The following CTNNA3 variants were observed in gnomAD, a reference collection of about 807,000 sequenced individuals.
The protein encoded by CTNNA3 is catenin alpha 3, also known as catenin alpha-3.
Under a neutral mutation model 95.7 loss-of-function variants are expected in CTNNA3, and 76 were observed. That is an observed-to-expected ratio of 0.79 (90% CI 0.66 to 0.96). The LOEUF (loss-of-function observed/expected upper bound fraction) is 0.96, where lower values mean the gene tolerates loss of function less well. Among genes scored for constraint, CTNNA3 ranks in the 40% least tolerant of loss-of-function variants. The probability of loss-of-function intolerance (pLI) is 0.00; values close to 1 mark genes in which losing one functional copy is unlikely to be tolerated. For missense variants in CTNNA3, 1,191 were observed against 1,089.8 expected (o/e 1.09, Z -1.31); for synonymous variants, 431 against 374.4 (o/e 1.15, Z -1.74).
chr10:66,089,892 C>T (rs907459915), intron 14 of CTNNA3, among the ~76,000 whole-genome samples: 9 of 151,948 alleles, frequency 5.9e-5, no homozygotes, highest in South Asian at 4.2e-4. Context: ...CAAAACCAAG[C>T]GAGTTCTGCA....
intron 1 of CTNNA3, among the ~76,000 whole-genome samples, chr10:67,722,242 T>C (rs1841183353): frequency 6.6e-6 from 1 of 152,162 alleles, no homozygotes; most frequent in Admixed American, 6.6e-5. Flanking sequence ...CTCTGACTAT[T>C]AGTTTGGGAA....
intron 10 of CTNNA3, among the ~76,000 whole-genome samples, chr10:66,598,913 C>T (rs1843818710): frequency 6.6e-6 from 1 of 151,718 alleles, no homozygotes; most frequent in South Asian, 2.1e-4. Context: ...CATATGGAAC[C>T]ACAAAATACA....
chr10:65,940,198 C>T (rs560359283), intron 17 of CTNNA3, among the ~76,000 whole-genome samples: 114 of 152,304 alleles, frequency 7.5e-4, no homozygotes, highest in African/African-American at 2.6e-3. Flanking sequence ...GATCTGTACT[C>T]TTCAATGTGG....
At chr10:66,739,987 G>A (rs556050596) in intron 9 of CTNNA3, among the ~76,000 whole-genome samples, 34 of 152,186 alleles carry the variant, frequency 2.2e-4, no homozygotes, top group Non-Finnish European at 3.1e-4. Context: ...GCAAGATAAC[G>A]TGGGAATGGA....
At chr10:67,148,903 A>G (rs1435467801) in intron 7 of CTNNA3, among the ~76,000 whole-genome samples, 4 of 152,186 alleles carry the variant, frequency 2.6e-5, no homozygotes, top group Non-Finnish European at 2.9e-5. Context: ...CATATTTCCC[A>G]TTTTGGCTCC....
chr10:66,520,510 C>A (rs554126295), intron 11 of CTNNA3, 107 bp downstream of exon 11: 2 of 1,006,036 alleles, frequency 2.0e-6, no homozygotes, highest in African/African-American at 3.4e-5. Context: ...CCTCGGCTTC[C>A]CAAAGTGTTG....
chr10:66,060,454 A>T (rs2080171484), intron 15 of CTNNA3, among the ~76,000 whole-genome samples: 1 of 152,080 alleles, frequency 6.6e-6, no homozygotes, highest in Non-Finnish European at 1.5e-5. Context: ...TTATTTCTAA[A>T]GACTTAAACA....
At chr10:66,829,919 G>A (rs1842655075) in intron 7 of CTNNA3, among the ~76,000 whole-genome samples, 1 of 150,384 alleles carries the variant, frequency 6.6e-6, no homozygotes, top group Admixed American at 6.6e-5. Context: ...AGGCTGGAGT[G>A]CAGTGGTGCG....
At chr10:66,533,097 T>A (rs2132054776) in intron 10 of CTNNA3, among the ~76,000 whole-genome samples, 1 of 152,298 alleles carries the variant, frequency 6.6e-6, no homozygotes, top group Middle Eastern at 3.4e-3. Flanking sequence ...TCCTGCCTCC[T>A]CTTTTATCAT....
chr10:67,209,416 G>A (rs528315784), intron 6 of CTNNA3, among the ~76,000 whole-genome samples: 1 of 152,254 alleles, frequency 6.6e-6, no homozygotes, highest in African/African-American at 2.4e-5. Context: ...GTATTTTGCT[G>A]TAATGTGAAA....
At chr10:66,928,393 A>G in intron 7 of CTNNA3, 1 of 1,614,186 alleles carries the variant, frequency 6.2e-7, no homozygotes, top group Non-Finnish European at 8.5e-7. Flanking sequence ...GACCAGCGAG[A>G]TGCTGCTGAA....
chr10:66,001,754 T>C (rs910549419), intron 15 of CTNNA3, among the ~76,000 whole-genome samples: 1 of 152,170 alleles, frequency 6.6e-6, no homozygotes, highest in Non-Finnish European at 1.5e-5. Context: ...TTTTTTACTG[T>C]TCTTAAGGTG....
In CTNNA3 at chr10:66,668,238, AAAGGAAAC is replaced by A. The variant is rs560382862; in HGVS notation, c.1282-46462_1282-46455del. On this transcript the variant is annotated intron_variant, in intron 9 of 17. Transcript: ENST00000433211. ...AAGGAAATTAAGAACTGATGATGGA[AAAGGAAAC>A]TATATAGGGGAATATAATGGGAAAC... 2.8e-3 allele frequency among the ~76,000 whole-genome samples: 429 copies of A among 152,298 alleles called. 1 individual carries two copies. The highest frequency in any genetic ancestry group is 0.01 in the African/African-American group (420 of 41,570).
rs931009894 is a variant in CTNNA3, at chr10:67,270,734, A to G, written c.580-50864T>C. ...CCTTTTGCAACTTCTATTAAAGTCA[A>G]TACAAGAGAGTGGCTAATGGCTAAT... On this transcript the variant is annotated intron_variant, in intron 5 of 17. Transcript: ENST00000433211. 1.1e-4 allele frequency among the ~76,000 whole-genome samples: 16 copies of G among 152,308 alleles called. 1 individual carries two copies. The highest frequency in any genetic ancestry group is 9.8e-4 in the Admixed American group (15 of 15,286).
intron 7 of CTNNA3, among the ~76,000 whole-genome samples, chr10:66,783,598 C>T (rs1277742814): frequency 6.6e-6 from 1 of 151,776 alleles, no homozygotes; most frequent in Non-Finnish European, 1.5e-5. Flanking sequence ...TGGAGAAATG[C>T]AATATTTTAT....
chr10:67,578,994 G>A (rs890910486), intron 3 of CTNNA3, among the ~76,000 whole-genome samples: 1 of 75,388 alleles, frequency 1.3e-5, no homozygotes. Context: ...CCTGATCATA[G>A]TGATATATAT....
intron 2 of CTNNA3, among the ~76,000 whole-genome samples, chr10:67,617,225 C>T (rs1431090259): frequency 6.6e-6 from 1 of 152,096 alleles, no homozygotes; most frequent in Non-Finnish European, 1.5e-5. Flanking sequence ...TGAAGCCTAG[C>T]ACTCAATAGT....
intron 1 of CTNNA3, among the ~76,000 whole-genome samples, chr10:67,655,108 C>T: frequency 6.6e-6 from 1 of 152,166 alleles, no homozygotes; most frequent in East Asian, 1.9e-4. Context: ...TAACATGGTT[C>T]TTTCTATGCC....
At chr10:66,639,339 G>T (rs1444650703) in intron 9 of CTNNA3, among the ~76,000 whole-genome samples, 1 of 152,092 alleles carries the variant, frequency 6.6e-6, no homozygotes. Flanking sequence ...TTATTAGTGG[G>T]TCCAATAAAG....
Sources: gnomAD v4.1 joint callset for allele counts (sites outside exome capture counted in the v4.1 genomes callset) on GRCh38, gnomAD v4.1.1 for gene constraint, MANE v1.5 for transcripts, NCBI Gene and HGNC (gene_info 2026-07-23, HGNC 2026-07-21) for gene names.